The following NOC3L variants were observed in gnomAD, a reference collection of about 807,000 sequenced individuals.
NOC3L encodes the protein NOC3 like DNA replication regulator.
Under a neutral mutation model 102.5 loss-of-function variants are expected in NOC3L, and 85 were observed. The ratio of observed to expected loss-of-function variants is 0.83; its 90% CI spans 0.70 to 0.99. NOC3L has a LOEUF of 0.99. NOC3L is among the 50% of genes least tolerant of loss of function. NOC3L has a pLI of 0.00. For synonymous variants in NOC3L, 303 were observed against 309.4 expected (o/e 0.98, Z 0.22); for missense variants, 878 against 914.9 (o/e 0.96, Z 0.52).
intron 8 of NOC3L, among the ~76,000 whole-genome samples, chr10:94,351,940 C>T (rs1290584957): frequency 6.6e-6 from 1 of 152,098 alleles, no homozygotes; most frequent in South Asian, 2.1e-4. Flanking sequence ...AACAAAAATA[C>T]AACTACTTAC....
intron 14 of NOC3L, among the ~76,000 whole-genome samples, chr10:94,340,955 T>C (rs1283866683): frequency 1.4e-5 from 2 of 143,472 alleles, no homozygotes; most frequent in Non-Finnish European, 3.0e-5. Flanking sequence ...CACTCCAGCC[T>C]GGGTGACAGA....
intron 19 of NOC3L, among the ~76,000 whole-genome samples, chr10:94,336,397 G>C (rs373097221): frequency 2.0e-4 from 31 of 151,994 alleles, no homozygotes; most frequent in African/African-American, 6.8e-4. Flanking sequence ...ACCCAGGCTG[G>C]AGTGCAATGG....
At chr10:94,359,443 T>G (rs2054528019) in intron 2 of NOC3L, among the ~76,000 whole-genome samples, 1 of 149,956 alleles carries the variant, frequency 6.7e-6, no homozygotes, top group Non-Finnish European at 1.5e-5. Flanking sequence ...AGTGTGAAAC[T>G]CCGTCTCAAA....
At position 94,334,619 on chromosome 10, in the gene NOC3L, AAAAATATCCC is replaced by A; in HGVS notation, c.2274+5_2274+14del. ...TTCTATTTCTTCCTTTAAAAAAATGAAAAATATCCCATACCTTTATTTTGGGGTTTGAAGA... is the reference window on the plus strand; with the variant it reads ...TTCTATTTCTTCCTTTAAAAAAATGAATACCTTTATTTTGGGGTTTGAAGA... On this transcript the variant is annotated splice_donor_5th_base_variant and intron_variant, in intron 20 of 20. Transcript: ENST00000371361. 1 of 1,591,676 alleles carries A rather than the reference AAAAATATCCC, an allele frequency of 6.3e-7. No individual in the cohort carries two copies. The highest frequency in any genetic ancestry group is 1.3e-5 in the African/African-American group (1 of 74,250).
the NOC3L span, among the ~76,000 whole-genome samples, chr10:94,319,943 C>G: frequency 7.0e-6 from 1 of 143,878 alleles, no homozygotes; most frequent in Non-Finnish European, 1.5e-5. Context: ...GATCTCAGCT[C>G]ACTGCAAATT....
chr10:94,334,445 A>G, intron 20 of NOC3L, 140 bp from the exon 21 acceptor site: 1 of 660,110 alleles, frequency 1.5e-6, no homozygotes, highest in Admixed American at 2.8e-5. Context: ...TCTTGGACAT[A>G]TCCTATATTG....
At chr10:94,340,889 G>A (rs1224900828) in intron 14 of NOC3L, among the ~76,000 whole-genome samples, 4 of 151,512 alleles carry the variant, frequency 2.6e-5, no homozygotes, top group Non-Finnish European at 5.9e-5. Context: ...GCTGAGGCAG[G>A]AGAATGGTGT....
intron 6 of NOC3L, among the ~76,000 whole-genome samples, chr10:94,354,155 T>A (rs1248446108): frequency 6.6e-6 from 1 of 152,196 alleles, no homozygotes; most frequent in East Asian, 1.9e-4. Context: ...CTCACTTCAT[T>A]AGAAAAGGAC....
chr10:94,349,142 T>G (rs1005135963), intron 10 of NOC3L, 108 bp downstream of exon 10: 109 of 1,229,144 alleles, frequency 8.9e-5, no homozygotes, highest in Middle Eastern at 8.2e-4. Flanking sequence ...TTAAGGAGCT[T>G]GAATACTTTT....
intron 10 of NOC3L, among the ~76,000 whole-genome samples, chr10:94,347,235 G>A (rs1454577265): frequency 6.6e-6 from 1 of 152,130 alleles, no homozygotes; most frequent in Non-Finnish European, 1.5e-5. Context: ...GTTCCAATAT[G>A]CACATTTGGA....
rs1036140538 is a variant in NOC3L at position 94,340,400 on chromosome 10, G to T, written c.1708+33C>A. ...GGTATGTTATAGCATTCAAAGGTAA[G>T]GCAAACAAAACTTGATTAAGAAAAT... On this transcript the variant is annotated intron_variant, in intron 15 of 20. Coordinates refer to ENST00000371361, the MANE Select transcript of NOC3L (RefSeq NM_022451.11). The T allele has an allele frequency of 5.0e-6, 8 of 1,604,122 alleles. No homozygotes were observed. The Admixed American group carries it at 5.0e-5, about 10-fold the overall frequency.
chr10:94,324,316 T>C, the NOC3L span: 1 of 1,525,946 alleles, frequency 6.6e-7, no homozygotes. Context: ...AGATTCTGTG[T>C]CTTTATTCAG....
In NOC3L at chr10:94,349,380, T is replaced by A; in HGVS notation, c.1129-2A>T. 1 of 1,572,446 alleles carries A rather than the reference T, an allele frequency of 6.4e-7. No individual in the cohort carries two copies. The highest frequency in any genetic ancestry group is 1.2e-5 in the South Asian group (1 of 83,280). On this transcript the variant is annotated splice_acceptor_variant, in intron 9 of 20. Transcript: ENST00000371361. LOFTEE classifies it high-confidence loss of function. ...AGCTTCACAACACATTTCAGATATC[T>A]GAAAAATAAAATGTCATACTTAACC...
the NOC3L span, among the ~76,000 whole-genome samples, chr10:94,327,549 T>G: frequency 6.6e-6 from 1 of 152,060 alleles, no homozygotes; most frequent in Admixed American, 6.5e-5. Flanking sequence ...AAAAAGAAAG[T>G]TAGTTTAGTA....
Position 94,337,866 on chromosome 10 carries a change from A to G in NOC3L, c.2100T>C (p.Tyr700=). Residue 700 remains tyrosine, a synonymous_variant, in exon 19 of 21, where the codon TAT becomes TAC. Coordinates refer to ENST00000371361, the MANE Select transcript of NOC3L (RefSeq NM_022451.11). ...CTGCAAATCTCTGCACTATGGGATGATAATGCCTCTGAAGGGAAAACGGGA... is the reference window on the plus strand; with the variant it reads ...CTGCAAATCTCTGCACTATGGGATGGTAATGCCTCTGAAGGGAAAACGGGA... The part of the protein sequence containing the change: ...LWELHALRRH[Y]HPIVQRFAAH... The G allele has an allele frequency of 6.2e-7, 1 of 1,613,416 alleles. No individual in the cohort carries two copies. Among genetic ancestry groups the G allele is most frequent in the Non-Finnish European group, 8.5e-7 (1 of 1,179,362 alleles).
At chr10:94,357,359 A>C (rs774539301) in intron 3 of NOC3L, 28 bp from the exon 4 acceptor site, 2 of 1,521,304 alleles carry the variant, frequency 1.3e-6, no homozygotes, top group African/African-American at 2.8e-5. Context: ...ATCAATTTTC[A>C]GTCTTAATAG....
the NOC3L span, among the ~76,000 whole-genome samples, chr10:94,322,336 G>C: frequency 4.6e-5 from 7 of 151,866 alleles, no homozygotes; most frequent in South Asian, 1.5e-3. Flanking sequence ...CTGGATGACA[G>C]AGTGAGGCCC....
At chr10:94,354,430 C>T (rs938571919) in intron 6 of NOC3L, among the ~76,000 whole-genome samples, 5 of 152,040 alleles carry the variant, frequency 3.3e-5, no homozygotes, top group African/African-American at 1.2e-4. Context: ...TAGTACTTAT[C>T]AGGGCCAAGA....
intron 3 of NOC3L, chr10:94,357,827 A>C: frequency 2.3e-6 from 1 of 438,556 alleles, no homozygotes; most frequent in Non-Finnish European, 4.1e-6. Flanking sequence ...TTCTGCCACT[A>C]CCTCAAAGTG....
Sources: allele counts gnomAD v4.1 joint callset (sites outside exome capture counted in the v4.1 genomes callset), GRCh38; gene constraint gnomAD v4.1.1; transcripts MANE v1.5; gene names NCBI Gene and HGNC (gene_info 2026-07-23, HGNC 2026-07-21).